Variants in RBM47 observed in about 807,000 individuals in gnomAD.
The protein encoded by RBM47 is RNA binding motif protein 47, also known as RNA-binding protein 47.
Under a neutral mutation model 47.1 loss-of-function variants are expected in RBM47, and 21 were observed. That is an observed-to-expected ratio of 0.45 (90% confidence interval 0.32 to 0.64). RBM47 has a LOEUF of 0.64. Among genes scored for constraint, RBM47 ranks in the 30% least tolerant of loss-of-function variants. RBM47 has a pLI of 0.05. For synonymous variants in RBM47, 375 were observed against 361.7 expected (o/e 1.04, Z -0.42); for missense variants, 708 against 870.9 (o/e 0.81, Z 2.35).
At chr4:40,474,760 A>G (rs541819070) in intron 2 of RBM47, among the ~76,000 whole-genome samples, 1 of 152,352 alleles carries the variant, frequency 6.6e-6, no homozygotes, top group East Asian at 1.9e-4. Context: ...AACCAGTTAC[A>G]CTTTTCTTTG....
intron 3 of RBM47, among the ~76,000 whole-genome samples, chr4:40,449,390 A>G (rs1376078320): frequency 1.3e-5 from 2 of 152,206 alleles, no homozygotes; most frequent in African/African-American, 2.4e-5. Context: ...GAAAGCGTTC[A>G]TTCATAATGG....
chr4:40,529,439 C>T (rs1577892420), intron 2 of RBM47, among the ~76,000 whole-genome samples: 1 of 137,754 alleles, frequency 7.3e-6, no homozygotes, highest in African/African-American at 2.7e-5. Context: ...TTACTTGAAC[C>T]TGGGAGGCAG....
intron 3 of RBM47, among the ~76,000 whole-genome samples, chr4:40,458,754 G>GT (rs150912350): frequency 3.3e-5 from 5 of 150,670 alleles, no homozygotes; most frequent in East Asian, 3.9e-4. Flanking sequence ...GGTGATAATT[G>GT]TTTTTTTTTC....
At chr4:40,486,164 A>T (rs1721067247) in intron 2 of RBM47, among the ~76,000 whole-genome samples, 1 of 151,602 alleles carries the variant, frequency 6.6e-6, no homozygotes, top group African/African-American at 2.4e-5. Flanking sequence ...ATTTATCTGA[A>T]TTTCAAATTG....
intron 3 of RBM47, among the ~76,000 whole-genome samples, chr4:40,441,507 T>C (rs1713652388): frequency 6.6e-6 from 1 of 152,158 alleles, no homozygotes; most frequent in African/African-American, 2.4e-5. Flanking sequence ...ACTATTTGCA[T>C]AAACACCCAT....
intron 1 of RBM47, among the ~76,000 whole-genome samples, chr4:40,627,719 T>C (rs1394569320): frequency 1.3e-5 from 2 of 152,354 alleles, no homozygotes; most frequent in Non-Finnish European, 2.9e-5. Context: ...TCTTTAACAC[T>C]AGTTAGAGCA....
At chr4:40,541,161 G>C (rs552376103) in intron 2 of RBM47, among the ~76,000 whole-genome samples, 3 of 151,252 alleles carry the variant, frequency 2.0e-5, no homozygotes, top group Admixed American at 6.6e-5. Context: ...AGCTACTCAC[G>C]AGGCTGAGGA....
chr4:40,487,760 G>A (rs7675022), intron 2 of RBM47, among the ~76,000 whole-genome samples: 4,522 of 152,026 alleles, frequency 0.03, 146 homozygotes, highest in African/African-American at 0.078. Context: ...ATATATTATT[G>A]ATTATTCACA....
intron 2 of RBM47, among the ~76,000 whole-genome samples, chr4:40,469,617 C>T (rs2154235301): frequency 6.7e-6 from 1 of 150,038 alleles, no homozygotes; most frequent in African/African-American, 2.4e-5. Context: ...GAGGCCGAGG[C>T]CAGCAGATCA....
chr4:40,518,153 C>CTTTCCTTTTTTTTTTTTTTT (rs1560439940), intron 2 of RBM47, among the ~76,000 whole-genome samples: 1 of 99,546 alleles, frequency 1.0e-5, no homozygotes, highest in African/African-American at 3.5e-5. Flanking sequence ...TGTTTCTTTT[C>CTTTCCTTTTTTTTTTTTTTT]TTTTCTTTTT....
At chr4:40,491,659 T>G (rs1721885301) in intron 2 of RBM47, 2 of 154,920 alleles carry the variant, frequency 1.3e-5, no homozygotes, top group Admixed American at 6.5e-5. Context: ...TAACCCAACT[T>G]AAAGATAGGT....
chr4:40,520,111 T>G (rs887542404), intron 2 of RBM47, among the ~76,000 whole-genome samples: 1 of 152,182 alleles, frequency 6.6e-6, no homozygotes, highest in Non-Finnish European at 1.5e-5. Flanking sequence ...GGTAAGCCTT[T>G]TATGTTCTTT....
In RBM47 at chr4:40,584,825, A is replaced by G. The variant is rs75412656; in HGVS notation, c.-239-40319T>C. On this transcript the variant is annotated intron_variant, in intron 1 of 6. Coordinates refer to ENST00000295971, the MANE Select transcript of RBM47 (RefSeq NM_001098634.2). The stretch of plus-strand genomic sequence containing the variant: ...AGCCACATTTCAAGAGCCACAGGTG[A>G]CTGGTGGCTCTTATATCAGATGGCA... 4.0e-3 allele frequency among the ~76,000 whole-genome samples: 607 copies of G among 152,274 alleles called. 13 individuals are homozygous for G. The East Asian group carries it at 0.052, about 13-fold the overall frequency.
chr4:40,426,290 T>C (rs984617484), intron 6 of RBM47, 147 bp from the exon 7 acceptor site: 7 of 1,052,606 alleles, frequency 6.7e-6, no homozygotes, highest in Middle Eastern at 3.1e-4. Context: ...ACAGCAATTA[T>C]TGTAAGCAAG....
In RBM47 at chr4:40,425,891, C is replaced by G. The variant is rs766335624; in HGVS notation, c.*13G>C. 1.9e-6 allele frequency: 3 copies of G among 1,613,446 alleles called. No homozygotes were observed. The highest frequency in any genetic ancestry group is 1.7e-6 in the Non-Finnish European group (2 of 1,179,510). ...GGTGTTTGTGTGGTCTGTCTTCGTG[C>G]TGGTCACCAGCCTCAGTATGTCTGG... On this transcript the variant is annotated 3_prime_UTR_variant, in exon 7 of 7. Coordinates refer to ENST00000295971, the MANE Select transcript of RBM47 (RefSeq NM_001098634.2).
chr4:40,514,162 CAGA>C (rs1401039417), intron 2 of RBM47, among the ~76,000 whole-genome samples: 2 of 152,122 alleles, frequency 1.3e-5, no homozygotes, highest in African/African-American at 4.8e-5. Flanking sequence ...CCCGAGCTCA[CAGA>C]AGTGCAAATT....
chr4:40,487,223 T>C (rs545477284), intron 2 of RBM47, among the ~76,000 whole-genome samples: 1 of 152,348 alleles, frequency 6.6e-6, no homozygotes, highest in East Asian at 1.9e-4. Context: ...AATTGGCATC[T>C]TGGGAACTCA....
rs557934459 is a variant in RBM47, at chr4:40,623,224, G to A, written c.-240+6172C>T. On this transcript the variant is annotated intron_variant, in intron 1 of 6. Transcript: ENST00000295971. Reference sequence around the variant, plus strand: ...TGACATATACCTTGAGGTAGATGCTGGAGCCCACAATGTGGAGCAAAAAGC... The same window carrying A: ...TGACATATACCTTGAGGTAGATGCTAGAGCCCACAATGTGGAGCAAAAAGC... 9.2e-5 allele frequency among the ~76,000 whole-genome samples: 14 copies of A among 152,306 alleles called. 1 individual carries two copies. In the South Asian group the frequency reaches 2.9e-3, roughly 32 times the overall value.
chr4:40,434,108 G>A (rs1037053107), intron 5 of RBM47, among the ~76,000 whole-genome samples: 7 of 151,612 alleles, frequency 4.6e-5, no homozygotes, highest in African/African-American at 1.5e-4. Flanking sequence ...TTCTCCAACT[G>A]TAGGTACATT....
Sources: allele counts gnomAD v4.1 joint callset (sites outside exome capture counted in the v4.1 genomes callset), GRCh38; gene constraint gnomAD v4.1.1; transcripts MANE v1.5; gene names NCBI Gene and HGNC (gene_info 2026-07-23, HGNC 2026-07-21).